XDH: variants seen among roughly 807,000 people sequenced by gnomAD.
XDH encodes xanthine dehydrogenase, also known as xanthine dehydrogenase/oxidase.
XDH carries 138 observed loss-of-function variants against 156.1 expected under a neutral mutation model. The observed-to-expected ratio is 0.88, with a 90% confidence interval of 0.77 to 1.02. The LOEUF (loss-of-function observed/expected upper bound fraction) is 1.02, where lower values mean the gene tolerates loss of function less well. Among genes scored for constraint, XDH ranks in the 50% least tolerant of loss-of-function variants. XDH has a pLI of 0.00. For missense variants in XDH, 1,849 were observed against 1,684.9 expected, an observed-to-expected ratio of 1.10 and a Z score of -1.71; for synonymous variants, 669 against 625.7, an observed-to-expected ratio of 1.07 and a Z score of -1.03.
chr2:31,340,094 A>C lies in XDH; in HGVS notation c.3586-417T>G, dbSNP rs533932842. On this transcript the variant is annotated intron_variant, in intron 33 of 35. Coordinates refer to ENST00000379416, the MANE Select transcript of XDH (RefSeq NM_000379.4). ...CCCACCCCTGCCTGTCCTCTGGGAG[A>C]AAGTGCCCCCACTGCAGTTCAGCTT... Among the ~76,000 whole-genome samples, 4 of 152,306 alleles carry C rather than the reference A, an allele frequency of 2.6e-5. No individual in the cohort carries two copies. The South Asian group carries it at 8.3e-4, about 32-fold the overall frequency.
At chr2:31,345,725 G>T (rs142990295) in intron 30 of XDH, among the ~76,000 whole-genome samples, 2 of 152,178 alleles carry the variant, frequency 1.3e-5, no homozygotes, top group East Asian at 3.9e-4. Context: ...TTGTGTGTGC[G>T]TGCACATGCG....
At chr2:31,397,549 C>G in intron 6 of XDH, 119 bp downstream of exon 6, 1 of 1,242,262 alleles carries the variant, frequency 8.0e-7, no homozygotes, top group Non-Finnish European at 1.2e-6. Flanking sequence ...GACTCACTAA[C>G]TGGTCATCTT....
intron 18 of XDH, 111 bp from the exon 19 acceptor site, chr2:31,368,771 C>T (rs2148769564): frequency 6.3e-7 from 1 of 1,594,136 alleles, no homozygotes; most frequent in East Asian, 2.2e-5. Flanking sequence ...AATCAAAGCA[C>T]ACTTTAGGAA....
intron 17 of XDH, 104 bp downstream of exon 17, chr2:31,372,124 T>C: frequency 1.3e-6 from 2 of 1,578,140 alleles, no homozygotes; most frequent in South Asian, 1.1e-5. Context: ...GGCACCTCAT[T>C]ATCTTTGCAT....
intron 2 of XDH, 85 bp downstream of exon 2, chr2:31,405,822 C>T: frequency 6.6e-7 from 1 of 1,518,408 alleles, no homozygotes; most frequent in Non-Finnish European, 9.1e-7. Context: ...GCCACCCCAC[C>T]AGTCACTAGG....
At chr2:31,378,498 T>G (rs1396838979) in intron 13 of XDH, among the ~76,000 whole-genome samples, 1 of 152,126 alleles carries the variant, frequency 6.6e-6, no homozygotes, top group Non-Finnish European at 1.5e-5. Context: ...GGCCCCCAAA[T>G]GGCCACCCAC....
rs532231790 is a variant in XDH, at chr2:31,393,877, C to T, written c.495+3791G>A. Among the ~76,000 whole-genome samples, 147 of 149,746 alleles carry T rather than the reference C, an allele frequency of 9.8e-4. 1 individual carries two copies. Among genetic ancestry groups the T allele is most frequent in the Non-Finnish European group, 1.7e-3 (113 of 67,654 alleles). On this transcript the variant is annotated intron_variant, in intron 6 of 35. Coordinates refer to ENST00000379416, the MANE Select transcript of XDH (RefSeq NM_000379.4). ...CTAATCCAAGTCCACTTTTAAATAA[C>T]ACTACACCGCTTTACAGGTAGTGAT...
At chr2:31,339,362 C>T in intron 34 of XDH, 127 bp downstream of exon 34, 1 of 1,329,106 alleles carries the variant, frequency 7.5e-7, no homozygotes. Context: ...CAGTGTCAAA[C>T]CATCTTCCCT....
Position 31,350,206 on chromosome 2 carries a change from T to C in XDH, c.2649A>G (p.Leu883=), listed in dbSNP as rs1488858845. 1 of 1,614,076 alleles carries C rather than the reference T, an allele frequency of 6.2e-7. No homozygotes were observed. Among genetic ancestry groups the C allele is most frequent in the South Asian group, 1.1e-5 (1 of 91,076 alleles). Residue 883 remains leucine (L), a synonymous_variant, in exon 25 of 36, where the codon TTA becomes TTG. Coordinates refer to ENST00000379416, the MANE Select transcript of XDH (RefSeq NM_000379.4). Reference sequence around the variant, plus strand: ...TTTTATAGCAGTTGTCCATGTGGAATAAAGCTCGTTCCATAATCTGAAGCA... The same window carrying C: ...TTTTATAGCAGTTGTCCATGTGGAACAAAGCTCGTTCCATAATCTGAAGCA... ...DLSQSIMERA[L]FHMDNCYKIP...
chr2:31,357,694 A>C (rs1173554990), intron 24 of XDH, among the ~76,000 whole-genome samples: 1 of 151,970 alleles, frequency 6.6e-6, no homozygotes, highest in Non-Finnish European at 1.5e-5. Context: ...ATTTAAAAAT[A>C]AATAAGAGTA....
Position 31,339,659 on chromosome 2 carries a change from G to C in XDH, c.3604C>G (p.Gln1202Glu). The change falls in exon 34 of 36, where the codon CAG becomes GAG. Residue 1202 changes from glutamine (Q) to glutamate (E), a missense_variant. Transcript: ENST00000379416. ...DIGQVEGAFV[Q>E]GLGLFTLEEL... ...TCTAGGGTGAAGAGGCCAAGGCCCT[G>C]GACAAATGCCCCTTCCACCTGCAGG... 2 of 1,614,128 alleles carry C rather than the reference G, an allele frequency of 1.2e-6. No individual in the cohort carries two copies. Among genetic ancestry groups the C allele is most frequent in the Non-Finnish European group, 1.7e-6 (2 of 1,180,022 alleles).
chr2:31,402,008 A>T (rs1332356693), intron 3 of XDH, among the ~76,000 whole-genome samples: 1 of 152,218 alleles, frequency 6.6e-6, no homozygotes, highest in Admixed American at 6.5e-5. Context: ...GTCCATATGA[A>T]GGTGCAATTT....
intron 1 of XDH, among the ~76,000 whole-genome samples, chr2:31,409,016 C>T (rs564357411): frequency 1.6e-4 from 24 of 152,236 alleles, no homozygotes; most frequent in Admixed American, 6.5e-4. Flanking sequence ...GAGGTCATTA[C>T]GTTAAGTGAA....
At chr2:31,347,396 G>T in intron 29 of XDH, 126 bp downstream of exon 29, 2 of 1,405,698 alleles carry the variant, frequency 1.4e-6, no homozygotes. Flanking sequence ...CTGGATAAGG[G>T]AGCCAGAGGC....
chr2:31,354,151 G>T (rs914671919), intron 24 of XDH, among the ~76,000 whole-genome samples: 1 of 151,452 alleles, frequency 6.6e-6, no homozygotes, highest in Non-Finnish European at 1.5e-5. Flanking sequence ...GAAGTAAGAA[G>T]GAGTTGTTCC....
At chr2:31,379,613 T>C (rs1686375263) in intron 13 of XDH, among the ~76,000 whole-genome samples, 1 of 152,164 alleles carries the variant, frequency 6.6e-6, no homozygotes, top group Non-Finnish European at 1.5e-5. Context: ...AAAGGTGAAA[T>C]GGCTCACTCA....
Position 31,398,655 on chromosome 2 carries a change from G to T in XDH, c.351C>A (p.Thr117=). ...KSHGSQCGFC[T]PGIVMSMYTL... is the part of the protein sequence containing the mutation. ...TGTACATACTCATGACGATGCCAGG[G>T]GTGCAGAACCCGCACTGGGAGCCGT... The change falls in exon 5 of 36, where the codon ACC becomes ACA. Residue 117 remains threonine, a synonymous_variant. Transcript: ENST00000379416. 6.2e-7 allele frequency: 1 copy of T among 1,614,140 alleles called. No homozygotes were observed. Among genetic ancestry groups the T allele is most frequent in the Non-Finnish European group, 8.5e-7 (1 of 1,179,998 alleles).
chr2:31,366,801 G>T, intron 21 of XDH, 69 bp downstream of exon 21: 1 of 1,610,836 alleles, frequency 6.2e-7, no homozygotes, highest in African/African-American at 1.3e-5. Context: ...TTCCCACATG[G>T]CCCTCCTGGT....
intron 24 of XDH, among the ~76,000 whole-genome samples, chr2:31,360,812 G>A (rs1685757364): frequency 6.7e-6 from 1 of 148,536 alleles, no homozygotes; most frequent in South Asian, 2.1e-4. Context: ...GTGTCCACTA[G>A]GGTTCTTGGA....
Sources: gnomAD v4.1 joint callset for allele counts (sites outside exome capture counted in the v4.1 genomes callset) on GRCh38, gnomAD v4.1.1 for gene constraint, MANE v1.5 for transcripts, NCBI Gene and HGNC (gene_info 2026-07-23, HGNC 2026-07-21) for gene names.